Variants in TENM2 observed in about 807,000 individuals in gnomAD.
TENM2 encodes teneurin-2.
Under a neutral mutation model 245.2 loss-of-function variants are expected in TENM2, and 52 were observed. The ratio of observed to expected loss-of-function variants is 0.21; its 90% CI spans 0.17 to 0.27. The LOEUF (loss-of-function observed/expected upper bound fraction) is 0.27. Among genes scored for constraint, TENM2 ranks in the 10% least tolerant of loss-of-function variants. The probability of loss-of-function intolerance (pLI) is 1.00; values close to 1 mark genes in which losing one functional copy is unlikely to be tolerated. For missense variants in TENM2, 3,046 were observed against 3,666.8 expected (o/e 0.83, Z 4.37); for synonymous variants, 1,363 against 1,438.9 (o/e 0.95, Z 1.19).
intron 2 of TENM2, among the ~76,000 whole-genome samples, chr5:167,789,968 A>G (rs1764835423): frequency 6.6e-6 from 1 of 152,214 alleles, no homozygotes; most frequent in Non-Finnish European, 1.5e-5. Context: ...TACCATTTTA[A>G]ACAGGACTAG....
chr5:168,067,170 G>A (rs979671494), intron 7 of TENM2, among the ~76,000 whole-genome samples: 1 of 152,120 alleles, frequency 6.6e-6, no homozygotes, highest in African/African-American at 2.4e-5. Context: ...TCAGACCGAT[G>A]GAGCCAGGAG....
At chr5:167,791,987 CACTT>C (rs1765010125) in intron 2 of TENM2, among the ~76,000 whole-genome samples, 1 of 152,120 alleles carries the variant, frequency 6.6e-6, no homozygotes, top group South Asian at 2.1e-4. Context: ...GGAAGAGTGT[CACTT>C]ACCATTTACA....
chr5:168,244,335 G>A lies in TENM2; in HGVS notation c.5521-85G>A. The stretch of plus-strand genomic sequence containing the variant: ...TCCTCCAGTGAACACTTAAGCCCTG[G>A]CCATGCCAGCCATGTCCTCCACAGA... On this transcript the variant is annotated intron_variant, in intron 25 of 28. Coordinates refer to ENST00000518659, the Ensembl canonical transcript of TENM2. The surrounding 1 kb of genome is among the most constrained non-coding windows in gnomAD (Gnocchi z 4.9). 8.8e-7 allele frequency: 1 copy of A among 1,141,046 alleles called. No individual in the cohort carries two copies. The highest frequency in any genetic ancestry group is 1.2e-6 in the Non-Finnish European group (1 of 837,598). 70.7% of individuals were successfully genotyped at this position (1,141,046 alleles called of 1,614,324 possible).
the TENM2 span, among the ~76,000 whole-genome samples, chr5:167,248,863 A>G: frequency 6.6e-6 from 1 of 152,104 alleles, no homozygotes; most frequent in Non-Finnish European, 1.5e-5. Flanking sequence ...CATAAATTTG[A>G]AAATGCCCAA....
At chr5:167,988,870 C>T (rs932103088) in intron 4 of TENM2, among the ~76,000 whole-genome samples, 2 of 152,176 alleles carry the variant, frequency 1.3e-5, no homozygotes, top group African/African-American at 4.8e-5. Flanking sequence ...GTCAAGGGAA[C>T]ATTTTTAGGA....
chr5:167,446,919 T>A (rs549683604), intron 2 of TENM2, among the ~76,000 whole-genome samples: 82 of 152,264 alleles, frequency 5.4e-4, no homozygotes, highest in Non-Finnish European at 1.0e-3. Context: ...AGATTTTTTA[T>A]AATTTTTAGA....
chr5:167,085,449 A>C, the TENM2 span, among the ~76,000 whole-genome samples: 3,981 of 152,260 alleles, frequency 0.026, 192 homozygotes, highest in African/African-American at 0.09. Flanking sequence ...GCTAAAAATG[A>C]TTACACTGGC....
chr5:167,895,274 A>G (rs1775129963), intron 3 of TENM2, among the ~76,000 whole-genome samples: 1 of 151,510 alleles, frequency 6.6e-6, no homozygotes, highest in African/African-American at 2.4e-5. Context: ...TTCTCAGAGT[A>G]CTTTTGAGAC....
intron 1 of TENM2, among the ~76,000 whole-genome samples, chr5:167,316,473 G>GTTTC (rs1002966464): frequency 1.3e-5 from 2 of 152,114 alleles, no homozygotes; most frequent in Non-Finnish European, 2.9e-5. Context: ...CTGCCTAAGT[G>GTTTC]TTTCTTTCTT....
intron 13 of TENM2, among the ~76,000 whole-genome samples, chr5:168,167,433 G>A (rs74915912): frequency 3.2e-4 from 48 of 152,170 alleles, no homozygotes; most frequent in African/African-American, 8.2e-4. Flanking sequence ...ATTTCAAGCC[G>A]GCATCGGAGT....
rs532562873 is a variant in TENM2, at chr5:167,964,294, G to A, written c.947+11472G>A. ...CTTTTCTTCCTTTGTGTGTTTTGCTGAAGCAAGCGTCTCTCTTTGGATCTG... is the reference window on the plus strand; with the variant it reads ...CTTTTCTTCCTTTGTGTGTTTTGCTAAAGCAAGCGTCTCTCTTTGGATCTG... On this transcript the variant is annotated intron_variant, in intron 4 of 28. Coordinates refer to ENST00000518659, the Ensembl canonical transcript of TENM2. Among the ~76,000 whole-genome samples the A allele has an allele frequency of 6.8e-4, 103 of 152,262 alleles. No individual in the cohort carries two copies. The Middle Eastern group carries it at 0.01, about 15-fold the overall frequency.
At chr5:167,531,612 T>C (rs980237992) in intron 2 of TENM2, among the ~76,000 whole-genome samples, 1 of 152,162 alleles carries the variant, frequency 6.6e-6, no homozygotes, top group African/African-American at 2.4e-5. Context: ...ACTGAAACTT[T>C]GTACCCTTTG....
In TENM2 at chr5:168,188,796, GA is replaced by G. The variant is rs537599942; in HGVS notation, c.2570-1540del. 1.1e-3 allele frequency among the ~76,000 whole-genome samples: 165 copies of G among 152,250 alleles called. 1 individual carries two copies. The highest frequency in any genetic ancestry group is 1.7e-3 in the Admixed American group (26 of 15,294). On this transcript the variant is annotated intron_variant, in intron 13 of 28. Transcript: ENST00000518659. ...CCTGCTCCTGGAGGCTCTCCCTGGG[GA>G]GATGTGGGGTGGGCCGTTTATTCTT...
chr5:167,980,424 A>T (rs2151964799), intron 4 of TENM2, among the ~76,000 whole-genome samples: 1 of 152,274 alleles, frequency 6.6e-6, no homozygotes, highest in African/African-American at 2.4e-5. Flanking sequence ...ATGAGAAGAC[A>T]GAAAGAGAGG....
chr5:167,167,191 C>T, the TENM2 span, among the ~76,000 whole-genome samples: 462 of 152,202 alleles, frequency 3.0e-3, 3 homozygotes, highest in African/African-American at 0.01. Context: ...CAGCAAGTCC[C>T]GTCTGTAAAT....
At chr5:167,368,751 G>A (rs1350622869) in intron 1 of TENM2, among the ~76,000 whole-genome samples, 4 of 152,066 alleles carry the variant, frequency 2.6e-5, no homozygotes, top group African/African-American at 4.8e-5. Context: ...GTGAAAGAGC[G>A]CTGCTTCGTC....
At chr5:168,216,485 C>A (rs1433680567) in intron 21 of TENM2, among the ~76,000 whole-genome samples, 2 of 152,158 alleles carry the variant, frequency 1.3e-5, no homozygotes, top group African/African-American at 4.8e-5. Flanking sequence ...CATTCATTTG[C>A]GGCCTTGGTT....
the TENM2 span, among the ~76,000 whole-genome samples, chr5:167,131,797 G>T: frequency 6.6e-6 from 1 of 151,924 alleles, no homozygotes; most frequent in Non-Finnish European, 1.5e-5. Flanking sequence ...CCTTCTCTTT[G>T]GTGTTTTTTA....
At chr5:168,198,690 G>A (rs1413369790) in intron 15 of TENM2, among the ~76,000 whole-genome samples, 163 bp from the exon 18 acceptor site, 1 of 152,164 alleles carries the variant, frequency 6.6e-6, no homozygotes, top group Non-Finnish European at 1.5e-5. Flanking sequence ...CACTCAGCTA[G>A]TAAGTGATAG....
Sources: allele counts gnomAD v4.1 joint callset (sites outside exome capture counted in the v4.1 genomes callset), GRCh38; gene constraint gnomAD v4.1.1; non-coding constraint Gnocchi (gnomAD v3.1); transcripts MANE v1.5; gene names NCBI Gene and HGNC (gene_info 2026-07-23, HGNC 2026-07-21).